ARHGAP20: variants seen among roughly 807,000 people sequenced by gnomAD.
ARHGAP20 encodes the protein rho GTPase-activating protein 20.
A neutral mutation model predicts 73.7 loss-of-function variants in ARHGAP20; 34 were observed. The observed-to-expected ratio is 0.46, with a 90% confidence interval of 0.35 to 0.61. The LOEUF (loss-of-function observed/expected upper bound fraction) is 0.61, where lower values mean the gene tolerates loss of function less well. Among genes scored for constraint, ARHGAP20 ranks in the 20% least tolerant of loss-of-function variants. The pLI, the probability that ARHGAP20 is intolerant of heterozygous loss-of-function variation, is 0.00. For synonymous variants in ARHGAP20, 523 were observed against 518.2 expected, an observed-to-expected ratio of 1.01 and a Z score of -0.13; for missense variants, 1,314 against 1,420.9, an observed-to-expected ratio of 0.92 and a Z score of 1.21.
chr11:110,610,394 T>C (rs1474434619), intron 7 of ARHGAP20, among the ~76,000 whole-genome samples: 1 of 152,136 alleles, frequency 6.6e-6, no homozygotes, highest in African/African-American at 2.4e-5. Context: ...TGACACATAT[T>C]TAAGACATGC....
At chr11:110,643,011 G>T (rs1452309183) in intron 2 of ARHGAP20, among the ~76,000 whole-genome samples, 1 of 152,020 alleles carries the variant, frequency 6.6e-6, no homozygotes, top group Non-Finnish European at 1.5e-5. Flanking sequence ...ATCTTGAGAG[G>T]CTGTGCATTT....
Position 110,577,337 on chromosome 11 carries a change from TAACA to T in ARHGAP20, c.*2029_*2032del. Reference sequence around the variant, plus strand: ...ACAATATAATACTTTACAGCAATATTAACAAACTATTCACATTAAGAATTACAGG... The same window carrying T: ...ACAATATAATACTTTACAGCAATATTAACTATTCACATTAAGAATTACAGG... On this transcript the variant is annotated 3_prime_UTR_variant, in exon 15 of 15. Transcript: ENST00000683387. 2.4e-6 allele frequency: 3 copies of T among 1,247,138 alleles called. No homozygotes were observed. Among genetic ancestry groups the T allele is most frequent in the East Asian group, 3.2e-5 (1 of 31,574 alleles). 77.3% of individuals were successfully genotyped at this position (1,247,138 alleles called of 1,614,324 possible).
At chr11:110,611,557 T>G (rs921048508) in intron 6 of ARHGAP20, among the ~76,000 whole-genome samples, 171 bp from the exon 7 acceptor site, 4 of 152,218 alleles carry the variant, frequency 2.6e-5, no homozygotes, top group African/African-American at 9.6e-5. Flanking sequence ...TTGCTTTCAT[T>G]CCCTTATAAA....
At chr11:110,712,560 C>A (rs1950693691), upstream of ARHGAP20, 1 of 153,012 alleles carries the variant, frequency 6.5e-6, no homozygotes, top group South Asian at 2.0e-4. Context: ...CCTGGGCCCT[C>A]CTAGCCTCGT....
chr11:110,589,363 T>G (rs1346665323), intron 11 of ARHGAP20: 1 of 978,466 alleles, frequency 1.0e-6, no homozygotes. Flanking sequence ...CAGATATGGC[T>G]TATTTATCCA....
chr11:110,599,964 C>T (rs763765019), intron 9 of ARHGAP20, among the ~76,000 whole-genome samples: 2 of 152,174 alleles, frequency 1.3e-5, no homozygotes, highest in South Asian at 2.1e-4. Context: ...AGAGGAGCTA[C>T]CCTCTTTGCT....
Position 110,578,248 on chromosome 11 carries a change from G to A in ARHGAP20, c.*1122C>T. 2.0e-6 allele frequency: 2 copies of A among 985,470 alleles called. No homozygotes were observed. The highest frequency in any genetic ancestry group is 2.4e-6 in the Non-Finnish European group (2 of 829,940). The allele number at this position is 985,470 out of a possible 1,614,324, so 61.0% of individuals were successfully genotyped here. A position where few individuals can be genotyped will look rare whatever the true frequency, so the allele number is the denominator to read the frequency against. ...ACAACGTCTGGAAGCAAAACCCAAA[G>A]CAAATGGCTGTCTGAGAAGGCCTGG... is the stretch of plus-strand genomic sequence containing the variant. On this transcript the variant is annotated 3_prime_UTR_variant, in exon 15 of 15. Coordinates refer to ENST00000683387, the MANE Select transcript of ARHGAP20 (RefSeq NM_001384657.1).
intron 12 of ARHGAP20, among the ~76,000 whole-genome samples, chr11:110,585,909 G>A (rs978338956): frequency 6.6e-6 from 1 of 152,048 alleles, no homozygotes. Context: ...TGCAATATAT[G>A]ATGAGTTGTC....
intron 1 of ARHGAP20, among the ~76,000 whole-genome samples, chr11:110,696,154 GT>G (rs1421114052): frequency 6.6e-6 from 1 of 151,582 alleles, no homozygotes; most frequent in African/African-American, 2.4e-5. Context: ...CTTGCCTAGA[GT>G]TTGGGGAGAC....
intron 9 of ARHGAP20, among the ~76,000 whole-genome samples, chr11:110,595,636 A>G (rs1433052036): frequency 6.6e-6 from 1 of 152,238 alleles, no homozygotes; most frequent in Non-Finnish European, 1.5e-5. Context: ...GCCCAATGAA[A>G]TAAAAGAGGA....
chr11:110,578,060 T>A lies in ARHGAP20; in HGVS notation c.*1310A>T. On this transcript the variant is annotated 3_prime_UTR_variant, in exon 15 of 15. Transcript: ENST00000683387. ...AAAGAAGATGCACATCCATTTTTAG[T>A]GCCATCCCTGCATACTAGTTGGCAA... 2.0e-6 allele frequency: 2 copies of A among 985,442 alleles called. No individual in the cohort carries two copies. Among genetic ancestry groups the A allele is most frequent in the Non-Finnish European group, 2.4e-6 (2 of 829,942 alleles). 61.0% of individuals were successfully genotyped at this position (985,442 alleles called of 1,614,324 possible).
At chr11:110,659,736 G>A (rs973794596) in intron 2 of ARHGAP20, among the ~76,000 whole-genome samples, 1 of 151,978 alleles carries the variant, frequency 6.6e-6, no homozygotes, top group African/African-American at 2.4e-5. Flanking sequence ...AAAAAATGAT[G>A]AGTTCATGTC....
intron 9 of ARHGAP20, among the ~76,000 whole-genome samples, chr11:110,596,925 A>C (rs1215094608): frequency 6.6e-6 from 1 of 152,200 alleles, no homozygotes; most frequent in Non-Finnish European, 1.5e-5. Context: ...GATTAAGAAA[A>C]TGTGGCACAT....
Position 110,624,219 on chromosome 11 carries a change from T to C in ARHGAP20, c.446A>G (p.Asn149Ser), listed in dbSNP as rs761566225. ...CVDEVGEGNT[N>S]AMKSFVLGWP... ...GCCCAAAACAAAGGATTTCATGGCA[T>C]TGGTGTTGCCTTCTCCCACTTCATC... The change falls in exon 4 of 15, where the codon AAT becomes AGT. Residue 149 changes from asparagine (N) to serine (S), a missense_variant. Around this residue, in one of 3 missense-constraint regions of ARHGAP20, gnomAD observed 443 missense variants for 466.4 expected, o/e 0.95. Coordinates refer to ENST00000683387, the MANE Select transcript of ARHGAP20 (RefSeq NM_001384657.1). The C allele has an allele frequency of 5.6e-6, 9 of 1,613,204 alleles. No individual in the cohort carries two copies. The African/African-American group carries it at 9.3e-5, about 17-fold the overall frequency.
At chr11:110,675,272 G>A (rs1329977982) in intron 2 of ARHGAP20, among the ~76,000 whole-genome samples, 1 of 152,184 alleles carries the variant, frequency 6.6e-6, no homozygotes, top group Non-Finnish European at 1.5e-5. Flanking sequence ...AAGGCCCTCA[G>A]ACTGACAGAG....
At chr11:110,684,131 G>A (rs530139882) in intron 2 of ARHGAP20, among the ~76,000 whole-genome samples, 1 of 152,220 alleles carries the variant, frequency 6.6e-6, no homozygotes, top group South Asian at 2.1e-4. Context: ...GATATATAGT[G>A]TGTTATAGGA....
chr11:110,700,841 T>C (rs1478846367), intron 1 of ARHGAP20, among the ~76,000 whole-genome samples: 1 of 150,708 alleles, frequency 6.6e-6, no homozygotes, highest in Non-Finnish European at 1.5e-5. Flanking sequence ...TATGCGGTGT[T>C]TGGTTTTTTG....
chr11:110,606,700 T>C lies in ARHGAP20; in HGVS notation c.825A>G (p.Ala275=), dbSNP rs770858306. Reference sequence around the variant, plus strand: ...AGTCCTTTGATCCCGGTGTCAGGAGTGCAGAGTCTCGAAGATGGCTCATTT... The same window carrying C: ...AGTCCTTTGATCCCGGTGTCAGGAGCGCAGAGTCTCGAAGATGGCTCATTT... ...GIKMSHLRDS[A]LLTPGSKDST... The change falls in exon 9 of 15, where the codon GCA becomes GCG. Residue 275 remains alanine, a synonymous_variant. Transcript: ENST00000683387. The C allele has an allele frequency of 2.5e-6, 4 of 1,594,796 alleles. No homozygotes were observed. In the East Asian group the frequency reaches 9.0e-5, roughly 36 times the overall value.
intron 2 of ARHGAP20, among the ~76,000 whole-genome samples, chr11:110,685,323 A>G (rs1320938563): frequency 6.6e-6 from 1 of 152,154 alleles, no homozygotes; most frequent in East Asian, 1.9e-4. Context: ...TCATCTTTAA[A>G]CACAGAAGTG....
Sources: allele counts gnomAD v4.1 joint callset (sites outside exome capture counted in the v4.1 genomes callset), GRCh38; gene constraint gnomAD v4.1.1; regional missense constraint gnomAD v4.1.1; transcripts MANE v1.5; gene names NCBI Gene and HGNC (gene_info 2026-07-23, HGNC 2026-07-21).